Variants in MCM3 observed in about 807,000 individuals in gnomAD.
The protein encoded by MCM3 is DNA replication licensing factor MCM3.
A neutral mutation model predicts 91.3 loss-of-function variants in MCM3; 59 were observed. The observed-to-expected ratio is 0.65, with a 90% CI of 0.52 to 0.80. The LOEUF is 0.80. MCM3 is among the 30% of genes least tolerant of loss of function. The pLI, the probability that MCM3 is intolerant of heterozygous loss-of-function variation, is 0.00. For synonymous variants in MCM3, 383 were observed against 379.6 expected (o/e 1.01, Z -0.10); for missense variants, 919 against 1,035.4 (o/e 0.89, Z 1.54).
chr6:52,264,383 C>T lies in MCM3; in HGVS notation c.*205G>A. 2 of 570,674 alleles carry T rather than the reference C, an allele frequency of 3.5e-6. No individual in the cohort carries two copies. Among genetic ancestry groups the T allele is most frequent in the South Asian group, 4.0e-5 (2 of 49,586 alleles). 35.4% of individuals were successfully genotyped at this position (570,674 alleles called of 1,614,324 possible). On this transcript the variant is annotated 3_prime_UTR_variant, in exon 17 of 17. Coordinates refer to ENST00000596288, the MANE Select transcript of MCM3 (RefSeq NM_002388.6). ...AGTCATTGTCCTCTCCCACTGTCTC[C>T]TCTTTCCTCACCCCATGGCAGCTTT...
chr6:52,265,856 T>A (rs1295898167), intron 16 of MCM3, among the ~76,000 whole-genome samples: 2 of 152,202 alleles, frequency 1.3e-5, no homozygotes, highest in Non-Finnish European at 2.9e-5. Context: ...AACTGAAGAT[T>A]CTGGGTAAAG....
chr6:52,264,449 G>C lies in MCM3; in HGVS notation c.*139C>G, dbSNP rs1489666935. On this transcript the variant is annotated 3_prime_UTR_variant, in exon 17 of 17. Transcript: ENST00000596288. ...AAGGGTCCACCGAGTCCTGAACTCA[G>C]CTTCATCACCAACATTCCTCGCCTT... 4.4e-6 allele frequency: 4 copies of C among 916,464 alleles called. No homozygotes were observed. In the Admixed American group the frequency reaches 8.9e-5, roughly 20 times the overall value. The allele number at this position is 916,464 out of a possible 1,614,324, so 56.8% of individuals were successfully genotyped here.
chr6:52,281,803 C>T (rs1766121886), intron 4 of MCM3, among the ~76,000 whole-genome samples: 1 of 152,100 alleles, frequency 6.6e-6, no homozygotes, highest in Non-Finnish European at 1.5e-5. Flanking sequence ...CTGCAAATAC[C>T]CACTGCACTC....
In MCM3 at chr6:52,282,049, G is replaced by T; in HGVS notation, c.527C>A (p.Thr176Asn). 1 of 1,614,018 alleles carries T rather than the reference G, an allele frequency of 6.2e-7. No individual in the cohort carries two copies. The highest frequency in any genetic ancestry group is 8.5e-7 in the Non-Finnish European group (1 of 1,179,972). The change falls in exon 4 of 17, where the codon ACC becomes AAC. Residue 176 changes from threonine to asparagine, a missense_variant. This residue lies in a region of MCM3 where 401 missense variants were observed against 402.7 expected (regional missense o/e 1.00). Coordinates refer to ENST00000596288, the MANE Select transcript of MCM3 (RefSeq NM_002388.6). ...VAFPSSSVYP[T>N]KDEENNPLET... The stretch of plus-strand genomic sequence containing the variant: ...CAACTGATTTATCCCCCTTACCTTG[G>T]TAGGATAGACAGAGCTGGAGGGAAA...
In MCM3 at chr6:52,283,399, T is replaced by C. The variant is rs1407200579; in HGVS notation, c.86A>G (p.Gln29Arg). Reference protein sequence around the residue: ...YLDFLDDEEDQGIYQSKVREL... With the variant: ...YLDFLDDEEDRGIYQSKVREL... The stretch of plus-strand genomic sequence containing the variant: ...CCGAACTTTGCTCTGATAAATTCCC[T>C]GGTCTTCCTGCAAAACAGCCACCAC... The change falls in exon 2 of 17, where the codon CAG becomes CGG. Residue 29 changes from glutamine to arginine, a missense_variant. Physicochemically the swap from Gln to Arg is conservative, Grantham distance 43. Transcript: ENST00000596288. 2 of 1,612,308 alleles carry C rather than the reference T, an allele frequency of 1.2e-6. No individual in the cohort carries two copies. Among genetic ancestry groups the C allele is most frequent in the Admixed American group, 3.3e-5 (2 of 60,012 alleles).
rs1278158099 is a variant in MCM3 at position 52,276,351 on chromosome 6, C to T, written c.1291G>A (p.Val431Met). Residue 431 changes from valine to methionine, a missense_variant, in exon 9 of 17, where the codon GTG (valine) becomes ATG (methionine). Coordinates refer to ENST00000596288, the MANE Select transcript of MCM3 (RefSeq NM_002388.6). ...AIHEVMEQGRVTIAKAGIHAR... is the reference protein window; with the variant it reads ...AIHEVMEQGRMTIAKAGIHAR... Reference sequence around the variant, plus strand: ...TGGATGCCAGCCTTGGCAATGGTCACTCGACCCTGCTCCATCACTTCATGG... The same window carrying T: ...TGGATGCCAGCCTTGGCAATGGTCATTCGACCCTGCTCCATCACTTCATGG... 6.2e-7 allele frequency: 1 copy of T among 1,613,872 alleles called. No individual in the cohort carries two copies. The highest frequency in any genetic ancestry group is 8.5e-7 in the Non-Finnish European group (1 of 1,180,044).
chr6:52,277,526 A>G lies in MCM3; in HGVS notation c.1033+9T>C. The G allele has an allele frequency of 3.7e-6, 6 of 1,610,114 alleles. No homozygotes were observed. Among genetic ancestry groups the G allele is most frequent in the Non-Finnish European group, 5.1e-6 (6 of 1,178,006 alleles). On this transcript the variant is annotated intron_variant, in intron 7 of 16. Transcript: ENST00000596288. ...AACAACAGTCTAAAGCAAATCCCCA[A>G]CATCGTACCTATTAGAAGAATATTG...
At chr6:52,267,648 C>G (rs1034759359) in intron 14 of MCM3, among the ~76,000 whole-genome samples, 8 of 151,910 alleles carry the variant, frequency 5.3e-5, no homozygotes, top group African/African-American at 1.9e-4. Context: ...CGACCCCAGC[C>G]TACCGAGCAG....
At position 52,283,233 on chromosome 6, in the gene MCM3, T is replaced by A. The variant is rs1052149492; in HGVS notation, c.191+61A>T. The A allele has an allele frequency of 1.8e-5, 25 of 1,385,874 alleles. No homozygotes were observed. The Middle Eastern group carries it at 5.3e-4, about 29-fold the overall frequency. 85.8% of individuals were successfully genotyped at this position (1,385,874 alleles called of 1,614,324 possible). ...GTCCTCTCCTGAGAGGCTGTTCCAA[T>A]CTGGCCAAGAGGGAAGGGAGCCATT... On this transcript the variant is annotated intron_variant, in intron 2 of 16. Coordinates refer to ENST00000596288, the MANE Select transcript of MCM3 (RefSeq NM_002388.6).
At chr6:52,271,713 C>T (rs9474190) in intron 12 of MCM3, among the ~76,000 whole-genome samples, 9,218 of 152,184 alleles carry the variant, frequency 0.061, 577 homozygotes, top group East Asian at 0.3. Flanking sequence ...ATTAGGTTAC[C>T]AGAAATTGCT....
rs772594151 is a variant in MCM3 at position 52,264,574 on chromosome 6, G to C, written c.*14C>G. 9 of 1,614,010 alleles carry C rather than the reference G, an allele frequency of 5.6e-6. No homozygotes were observed. The highest frequency in any genetic ancestry group is 5.5e-5 in the South Asian group (5 of 91,012). On this transcript the variant is annotated 3_prime_UTR_variant, in exon 17 of 17. Transcript: ENST00000596288. ...ACTCTCTCGGCACAACCCAAGTTCA[G>C]AGACGAGGCCTCCTCAGATGAGGAA...
intron 5 of MCM3, 77 bp downstream of exon 5, chr6:52,279,284 G>T: frequency 1.5e-6 from 2 of 1,297,168 alleles, no homozygotes. Flanking sequence ...TCTGGAATAT[G>T]GCAAACTGGA....
In MCM3 at chr6:52,277,095, C is replaced by T. The variant is rs754187427; in HGVS notation, c.1137G>A (p.Thr379=). ...TGRGSSGVGL[T]AAVTTDQETG... ...TTTCCTGGTCTGTGGTGACAGCAGC[C>T]GTCAGACCCACTCCAGAGGAGCCCC... Residue 379 remains threonine, a synonymous_variant, in exon 8 of 17, where the codon ACG becomes ACA. Coordinates refer to ENST00000596288, the MANE Select transcript of MCM3 (RefSeq NM_002388.6). 11 of 1,613,948 alleles carry T rather than the reference C, an allele frequency of 6.8e-6. No homozygotes were observed. The highest frequency in any genetic ancestry group is 3.3e-4 in the Middle Eastern group (2 of 6,072).
At chr6:52,269,059 C>T in intron 13 of MCM3, 27 bp downstream of exon 13, 6 of 1,602,206 alleles carry the variant, frequency 3.7e-6, no homozygotes, top group Non-Finnish European at 5.1e-6. Flanking sequence ...AGGAGATCCT[C>T]TCATGCCCAG....
At chr6:52,274,622 G>A (rs1352106170) in intron 9 of MCM3, among the ~76,000 whole-genome samples, 1 of 151,776 alleles carries the variant, frequency 6.6e-6, no homozygotes, top group Non-Finnish European at 1.5e-5. Context: ...CAGGGAGGTC[G>A]AGGCTGCAGT....
At chr6:52,274,525 A>C (rs1039775421) in intron 9 of MCM3, among the ~76,000 whole-genome samples, 6 of 152,048 alleles carry the variant, frequency 3.9e-5, no homozygotes, top group South Asian at 2.1e-4. Context: ...TAAAAACTTA[A>C]AAAGAAAAAA....
intron 6 of MCM3, among the ~76,000 whole-genome samples, chr6:52,278,476 C>T (rs919422460): frequency 2.0e-5 from 3 of 152,184 alleles, no homozygotes; most frequent in East Asian, 1.9e-4. Flanking sequence ...TACTGGTACA[C>T]GGGCAAGTTA....
intron 12 of MCM3, among the ~76,000 whole-genome samples, chr6:52,271,030 G>A (rs1203963401): frequency 6.6e-6 from 1 of 151,994 alleles, no homozygotes; most frequent in Non-Finnish European, 1.5e-5. Flanking sequence ...GGTCAACACA[G>A]TGAAACCCCG....
intron 2 of MCM3, 138 bp downstream of exon 2, chr6:52,283,156 A>T: frequency 1.9e-6 from 1 of 536,540 alleles, no homozygotes; most frequent in South Asian, 2.8e-5. Flanking sequence ...AAAAAAAAAA[A>T]ATAGGTGCAG....
Sources: gnomAD v4.1 joint callset for allele counts (sites outside exome capture counted in the v4.1 genomes callset) on GRCh38, gnomAD v4.1.1 for gene constraint, gnomAD v4.1.1 regional missense constraint, MANE v1.5 for transcripts, NCBI Gene and HGNC (gene_info 2026-07-23, HGNC 2026-07-21) for gene names.